Variants in ATM observed in about 807,000 individuals in gnomAD.
ATM encodes the protein serine-protein kinase ATM.
In ATM, 308 loss-of-function variants were observed where a neutral mutation model predicts 387.0. The ratio of observed to expected loss-of-function variants is 0.80; its 90% confidence interval spans 0.73 to 0.87. ATM has a LOEUF of 0.87. Among genes scored for constraint, ATM ranks in the 40% least tolerant of loss-of-function variants. The pLI is 0.00. For missense variants in ATM, 3,312 were observed against 3,560.9 expected, an observed-to-expected ratio of 0.93 and a Z score of 1.78; for synonymous variants, 1,156 against 1,187.3, an observed-to-expected ratio of 0.97 and a Z score of 0.54.
rs866721145 is a variant in ATM, at chr11:108,366,333, T to C, written c.*825T>C. Reference sequence around the variant, plus strand: ...TCCATTGGGCTTCTTCTTTCAGAAATTGTTTTTCATTTCTAATTATGCATC... The same window carrying C: ...TCCATTGGGCTTCTTCTTTCAGAAACTGTTTTTCATTTCTAATTATGCATC... On this transcript the variant is annotated 3_prime_UTR_variant, in exon 63 of 63. Transcript: ENST00000675843. 1 of 211,688 alleles carries C rather than the reference T, an allele frequency of 4.7e-6. No individual in the cohort carries two copies. Among genetic ancestry groups the C allele is most frequent in the African/African-American group, 2.3e-5 (1 of 44,204 alleles). The allele number at this position is 211,688 out of a possible 1,614,324, so 13.1% of individuals were successfully genotyped here. A position where few individuals can be genotyped will look rare whatever the true frequency, so the allele number is the denominator to read the frequency against.
intron 35 of ATM, among the ~76,000 whole-genome samples, chr11:108,302,472 A>G (rs942731902): frequency 3.3e-5 from 5 of 152,156 alleles, no homozygotes; most frequent in African/African-American, 1.2e-4. Context: ...AACTAATAAT[A>G]TAACCTGGAA....
At chr11:108,233,569 CAAA>C (rs531411723) in intron 4 of ATM, among the ~76,000 whole-genome samples, 10 of 50,906 alleles carry the variant, frequency 2.0e-4, no homozygotes, top group Admixed American at 8.6e-4. Context: ...ATCCTGTGTC[CAAA>C]AAAAAAAAAA....
In ATM at chr11:108,253,911, G is replaced by C. The variant is rs2135368669; in HGVS notation, c.1996G>C (p.Val666Leu). 1 of 1,614,072 alleles carries C rather than the reference G, an allele frequency of 6.2e-7. No individual in the cohort carries two copies. ...TGACAAGATGGACTTTTTAACCATT[G>C]TGAGAGAATGTGGTATAGAAAAGCA... is the stretch of plus-strand genomic sequence containing the variant. ...TFDKMDFLTI[V>L]RECGIEKHQS... is the part of the protein sequence containing the mutation. The change falls in exon 13 of 63, where the codon GTG (valine) becomes CTG (leucine). Residue 666 changes from valine (V) to leucine (L), a missense_variant. Val to Leu is a conservative substitution (Grantham distance 32). Transcript: ENST00000675843.
intron 4 of ATM, among the ~76,000 whole-genome samples, chr11:108,232,428 A>G (rs377417973): frequency 6.6e-6 from 1 of 151,664 alleles, no homozygotes; most frequent in East Asian, 1.9e-4. Flanking sequence ...CTTGCTTAGC[A>G]TTGGTATCCA....
chr11:108,308,361 G>A (rs1468037107), intron 38 of ATM, among the ~76,000 whole-genome samples: 1 of 152,106 alleles, frequency 6.6e-6, no homozygotes, highest in Non-Finnish European at 1.5e-5. Flanking sequence ...ATAGAGTTGT[G>A]TAAATGTCTT....
intron 50 of ATM, 82 bp from the exon 51 acceptor site, chr11:108,331,362 T>C: frequency 6.5e-7 from 1 of 1,535,098 alleles, no homozygotes. Flanking sequence ...AGGAGCACTG[T>C]CTTAAAATAA....
At chr11:108,242,524 A>C (rs1334924264) in intron 5 of ATM, among the ~76,000 whole-genome samples, 1 of 152,208 alleles carries the variant, frequency 6.6e-6, no homozygotes, top group Non-Finnish European at 1.5e-5. Context: ...ATGATTGTCT[A>C]TATATAAAGT....
At position 108,347,352 on chromosome 11, in the gene ATM, A is replaced by T. The variant is rs1377662728; in HGVS notation, c.8658A>T (p.Val2886=). The change falls in exon 59 of 63, where the codon GTA becomes GTT. Residue 2886 remains valine (V), a synonymous_variant. Transcript: ENST00000675843. ...TAAATGAGCAGTCAGCAGAACTTGT[A>T]CATATAGATCTAGGTAAGTAATAAA... ...ILINEQSAEL[V]HIDLGVAFEQ... is the part of the protein sequence containing the mutation. 6.2e-7 allele frequency: 1 copy of T among 1,601,508 alleles called. No individual in the cohort carries two copies. Among genetic ancestry groups the T allele is most frequent in the Non-Finnish European group, 8.6e-7 (1 of 1,168,860 alleles).
intron 42 of ATM, 41 bp from the exon 43 acceptor site, chr11:108,317,332 C>CT (rs2084765822): frequency 3.1e-6 from 5 of 1,592,270 alleles, no homozygotes; most frequent in Non-Finnish European, 4.3e-6. Context: ...CTGTTGATAT[C>CT]TTTGATTACT....
At chr11:108,357,037 G>C (rs189099860) in intron 61 of ATM, among the ~76,000 whole-genome samples, 149 of 152,324 alleles carry the variant, frequency 9.8e-4, no homozygotes, top group Middle Eastern at 6.8e-3. Context: ...GAGGTACCAG[G>C]TTCATCTCAC....
In ATM at chr11:108,247,143, C is replaced by T. The variant is rs2135270264; in HGVS notation, c.1065+16C>T. 1 of 1,612,736 alleles carries T rather than the reference C, an allele frequency of 6.2e-7. No individual in the cohort carries two copies. The highest frequency in any genetic ancestry group is 1.1e-5 in the South Asian group (1 of 90,758). On this transcript the variant is annotated intron_variant, in intron 8 of 62. Coordinates refer to ENST00000675843, the MANE Select transcript of ATM (RefSeq NM_000051.4). ...CTGTCACCAGGTACAGTAAGTAGGTCATGTCACATTTAGAAATTTCCTGTT... is the reference window on the plus strand; with the variant it reads ...CTGTCACCAGGTACAGTAAGTAGGTTATGTCACATTTAGAAATTTCCTGTT...
rs760534895 is a variant in ATM at position 108,329,044 on chromosome 11, T to C, written c.7113T>C (p.Tyr2371=). Residue 2371 remains tyrosine, a synonymous_variant, in exon 49 of 63, where the codon TAT becomes TAC. Coordinates refer to ENST00000675843, the MANE Select transcript of ATM (RefSeq NM_000051.4). ...AGGCAGTAGAAGTTGCTGGAAATTA[T>C]GATGGAGAAAGTAGTGATGAGCTAA... ...LEKAVEVAGN[Y]DGESSDELRN... 6.2e-7 allele frequency: 1 copy of C among 1,614,126 alleles called. No individual in the cohort carries two copies. Among genetic ancestry groups the C allele is most frequent in the Non-Finnish European group, 8.5e-7 (1 of 1,179,992 alleles).
intron 38 of ATM, chr11:108,309,135 T>C (rs2083927884): frequency 4.3e-6 from 4 of 931,248 alleles, no homozygotes; most frequent in Non-Finnish European, 6.6e-6. Flanking sequence ...TCCAAGCTTG[T>C]GCTGTGTAAA....
intron 59 of ATM, among the ~76,000 whole-genome samples, chr11:108,349,088 A>C (rs902753640): frequency 2.6e-5 from 4 of 152,212 alleles, no homozygotes; most frequent in Admixed American, 2.6e-4. Context: ...AGATGAAATC[A>C]TAAGGGAAGT....
intron 17 of ATM, 126 bp downstream of exon 17, chr11:108,267,468 TTCCTTTC>T: frequency 2.6e-6 from 2 of 783,702 alleles, no homozygotes; most frequent in Non-Finnish European, 4.2e-6. Context: ...TTTAGGATTG[TTCCTTTC>T]TTATATACTT....
intron 16 of ATM, among the ~76,000 whole-genome samples, chr11:108,261,558 C>T (rs924838955): frequency 2.0e-5 from 3 of 152,060 alleles, no homozygotes; most frequent in African/African-American, 7.2e-5. Flanking sequence ...AAACTGGAAA[C>T]TCTAAAAAGC....
chr11:108,226,926 C>T (rs1176665977), intron 1 of ATM: 3 of 152,176 alleles, frequency 2.0e-5, no homozygotes, highest in Non-Finnish European at 4.4e-5. Context: ...TGCTCATTTC[C>T]TTATTTACCT....
Position 108,331,433 on chromosome 11 carries a change from T to G in ATM, c.7516-11T>G. The G allele has an allele frequency of 6.2e-7, 1 of 1,611,614 alleles. No individual in the cohort carries two copies. On this transcript the variant is annotated splice_polypyrimidine_tract_variant and intron_variant, in intron 50 of 62. Coordinates refer to ENST00000675843, the MANE Select transcript of ATM (RefSeq NM_000051.4). ...TTGTTTCTTAATTTTGTGTCTTTTT[T>G]TTAATGGTAGAGAGACGGAATGAAG...
intron 4 of ATM, among the ~76,000 whole-genome samples, chr11:108,233,535 C>G (rs975983550): frequency 6.8e-6 from 1 of 146,836 alleles, no homozygotes; most frequent in Non-Finnish European, 1.5e-5. Context: ...TGCTATTGCA[C>G]TCCAGTCTGG....
Sources: allele counts gnomAD v4.1 joint callset (sites outside exome capture counted in the v4.1 genomes callset), GRCh38; gene constraint gnomAD v4.1.1; transcripts MANE v1.5; gene names NCBI Gene and HGNC (gene_info 2026-07-23, HGNC 2026-07-21).